The following COG8 variants were observed in gnomAD, a reference collection of about 807,000 sequenced individuals.
COG8 encodes conserved oligomeric Golgi complex subunit 8.
A neutral mutation model predicts 46.5 loss-of-function variants in COG8; 45 were observed. The ratio of observed to expected loss-of-function variants is 0.97; its 90% CI spans 0.76 to 1.24. The LOEUF is 1.24. COG8 is among the 50% of genes most tolerant of loss of function. The pLI is 0.00. For synonymous variants in COG8, 407 were observed against 347.8 expected, an observed-to-expected ratio of 1.17 and a Z score of -1.90; for missense variants, 793 against 820.8, an observed-to-expected ratio of 0.97 and a Z score of 0.41.
At chr16:69,332,242 C>G (rs190745890) in intron 4 of COG8, among the ~76,000 whole-genome samples, 8 of 151,662 alleles carry the variant, frequency 5.3e-5, no homozygotes, top group Non-Finnish European at 1.2e-4. Flanking sequence ...CCCAGCTACT[C>G]GGGAGGCTGA....
Position 69,335,193 on chromosome 16 carries a change from A to C in COG8, c.741T>G (p.Phe247Leu), listed in dbSNP as rs142530290. The C allele has an allele frequency of 1.1e-4, 172 of 1,614,208 alleles. 1 individual carries two copies. In the East Asian group the frequency reaches 3.8e-3, roughly 36 times the overall value. Residue 247 changes from phenylalanine (F) to leucine (L), a missense_variant, in exon 3 of 6, where the codon TTT becomes TTG. Transcript: ENST00000306875. Reference protein sequence around the residue: ...VFTEAELRVKFLQARDAWLRS... With the variant: ...VFTEAELRVKLLQARDAWLRS... Reference sequence around the variant, plus strand: ...GGAGCCAAGCATCTCGGGCCTGAAGAAACTTCACCCTCAACTCAGCCTCAG... The same window carrying C: ...GGAGCCAAGCATCTCGGGCCTGAAGCAACTTCACCCTCAACTCAGCCTCAG...
chr16:69,333,055 TTGTGTCACTTTATTAA>T lies in COG8; in HGVS notation c.1414-189_1414-174del, dbSNP rs534087313. Among the ~76,000 whole-genome samples, 1,540 of 152,340 alleles carry T rather than the reference TTGTGTCACTTTATTAA, an allele frequency of 0.01. 18 individuals carry two copies. Among genetic ancestry groups the T allele is most frequent in the Non-Finnish European group, 0.014 (969 of 68,030 alleles). On this transcript the variant is annotated intron_variant, in intron 3 of 5. Coordinates refer to ENST00000306875, the MANE Select transcript of COG8 (RefSeq NM_032382.5). ...TCAGAATTATGGTCATTGTCCACAA[TTGTGTCACTTTATTAA>T]TGTGAAGTTCAGACCCAACTTGTTA...
chr16:69,328,314 G>A lies in COG8; in HGVS notation c.*892C>T, dbSNP rs373673120. The stretch of plus-strand genomic sequence containing the variant: ...TTTTTACAAAATAAGTGTATAACCA[G>A]GAAGTACTAATCCTGCTTTCTATGC... On this transcript the variant is annotated 3_prime_UTR_variant, in exon 6 of 6. Coordinates refer to ENST00000306875, the MANE Select transcript of COG8 (RefSeq NM_032382.5). 6.6e-6 allele frequency: 1 copy of A among 152,106 alleles called. No homozygotes were observed. Among genetic ancestry groups the A allele is most frequent in the Admixed American group, 6.6e-5 (1 of 15,258 alleles). The allele number at this position is 152,106 out of a possible 1,614,324, so 9.4% of individuals were successfully genotyped here.
At chr16:69,332,665 T>C (rs745515063) in intron 4 of COG8, 49 bp downstream of exon 4, 1 of 1,479,776 alleles carries the variant, frequency 6.8e-7, no homozygotes, top group East Asian at 2.3e-5. Context: ...TTATTTAGTA[T>C]GTGAATTACA....
chr16:69,330,240 G>A lies in COG8; in HGVS notation c.*26+573C>T, dbSNP rs1199458738. 2.8e-6 allele frequency: 4 copies of A among 1,442,944 alleles called. No individual in the cohort carries two copies. In the Admixed American group the frequency reaches 1.2e-4, roughly 42 times the overall value. 89.4% of individuals were successfully genotyped at this position (1,442,944 alleles called of 1,614,324 possible). A position where few individuals can be genotyped will look rare whatever the true frequency, so the allele number is the denominator to read the frequency against. On this transcript the variant is annotated intron_variant, in intron 5 of 5. Coordinates refer to ENST00000306875, the MANE Select transcript of COG8 (RefSeq NM_032382.5). Reference sequence around the variant, plus strand: ...GGCACCCCCAGCTGCGGCGCGCTTAGGCCCACGCAGCGCCGCCGCCGCATC... The same window carrying A: ...GGCACCCCCAGCTGCGGCGCGCTTAAGCCCACGCAGCGCCGCCGCCGCATC...
chr16:69,330,155 TG>T, intron 5 of COG8: 2 of 1,544,028 alleles, frequency 1.3e-6, no homozygotes, highest in South Asian at 1.2e-5. Flanking sequence ...GAGCGCGCGC[TG>T]GCGGGGCGGG....
chr16:69,339,389 C>G lies in COG8; in HGVS notation c.164G>C (p.Gly55Ala), dbSNP rs2012406050. 2 of 1,584,960 alleles carry G rather than the reference C, an allele frequency of 1.3e-6. No individual in the cohort carries two copies. Among genetic ancestry groups the G allele is most frequent in the Admixed American group, 3.5e-5 (2 of 56,340 alleles). ...GCGCCGCAGCCGCTCCAGCCCCGAGCCGCTCAACTCCCGGAGGTAGCGGCC... is the reference window on the plus strand; with the variant it reads ...GCGCCGCAGCCGCTCCAGCCCCGAGGCGCTCAACTCCCGGAGGTAGCGGCC... ...DVGRYLRELS[G>A]SGLERLRREP... The change falls in exon 1 of 6, where the codon GGC (glycine) becomes GCC (alanine). Residue 55 changes from glycine (G) to alanine (A), a missense_variant. Physicochemically the swap from Gly to Ala is moderately conservative, Grantham distance 60. Transcript: ENST00000306875.
Position 69,335,033 on chromosome 16 carries a change from G to GC in COG8, c.900dup (p.Pro301AlafsTer6), listed in dbSNP as rs2012119314. 6.2e-7 allele frequency: 1 copy of GC among 1,614,076 alleles called. No homozygotes were observed. The highest frequency in any genetic ancestry group is 8.5e-7 in the Non-Finnish European group (1 of 1,180,036). ...ACAGTGTGCTCACCCATGGCAGGGG[G>GC]CAGCAGTGGGTCCTCGTCTGAGAAG... On this transcript the variant is annotated frameshift_variant, in exon 3 of 6. Coordinates refer to ENST00000306875, the MANE Select transcript of COG8 (RefSeq NM_032382.5). LOFTEE classifies it high-confidence loss of function.
intron 5 of COG8, chr16:69,330,427 A>G: frequency 6.8e-7 from 1 of 1,476,360 alleles, no homozygotes. Flanking sequence ...GGTGGCGCCA[A>G]TAGGAGCGCC....
In COG8 at chr16:69,339,286, G is replaced by A. The variant is rs1386836475; in HGVS notation, c.267C>T (p.Thr89=). The A allele has an allele frequency of 2.5e-6, 4 of 1,612,346 alleles. No individual in the cohort carries two copies. The highest frequency in any genetic ancestry group is 2.5e-6 in the Non-Finnish European group (3 of 1,179,684). The part of the protein sequence containing the change: ...TRDLAFANYK[T]FIRGAECTER... ...CGGTGCACTCGGCGCCGCGGATGAA[G>A]GTCTTGTAGTTAGCGAAGGCCAAGT... Residue 89 remains threonine (T), a synonymous_variant, in exon 1 of 6, where the codon ACC becomes ACT. Transcript: ENST00000306875.
At position 69,336,511 on chromosome 16, in the gene COG8, G is replaced by C; in HGVS notation, c.579C>G (p.Val193=). The C allele has an allele frequency of 6.2e-7, 1 of 1,614,078 alleles. No individual in the cohort carries two copies. The highest frequency in any genetic ancestry group is 8.5e-7 in the Non-Finnish European group (1 of 1,180,002). ...CTCTGGGCAAGGTGGCTACCTGGAT[G>C]ACAGGGATGGAAGAGTATTTCCTCT... The part of the protein sequence containing the change: ...RLERKYSSIP[V]IQGIVNEVRQ... Residue 193 remains valine, a synonymous_variant, in exon 2 of 6, where the codon GTC becomes GTG. Coordinates refer to ENST00000306875, the MANE Select transcript of COG8 (RefSeq NM_032382.5).
chr16:69,331,124 G>T, intron 4 of COG8, 29 bp from the exon 5 acceptor site: 2 of 1,612,446 alleles, frequency 1.2e-6, no homozygotes, highest in Non-Finnish European at 1.7e-6. Flanking sequence ...AAGCAAAATG[G>T]AAAACAGTTA....
rs758095939 is a variant in COG8, at chr16:69,339,487, C to T, written c.66G>A (p.Glu22=). 6 of 1,605,454 alleles carry T rather than the reference C, an allele frequency of 3.7e-6. No homozygotes were observed. In the Admixed American group the frequency reaches 5.0e-5, roughly 13 times the overall value. ...TATAAALGEV[E]DEGLLASLFR... ...ACAGCGACGCCAGGAGCCCTTCATCCTCCACCTCGCCGAGAGCCGCTGCTG... is the reference window on the plus strand; with the variant it reads ...ACAGCGACGCCAGGAGCCCTTCATCTTCCACCTCGCCGAGAGCCGCTGCTG... Residue 22 remains glutamate, a synonymous_variant, in exon 1 of 6, where the codon GAG becomes GAA. Coordinates refer to ENST00000306875, the MANE Select transcript of COG8 (RefSeq NM_032382.5).
At position 69,334,935 on chromosome 16, in the gene COG8, G is replaced by C; in HGVS notation, c.999C>G (p.Asp333Glu). The change falls in exon 3 of 6, where the codon GAC becomes GAG. Residue 333 changes from aspartate to glutamate, a missense_variant. Physicochemically the swap from Asp to Glu is conservative, Grantham distance 45 (BLOSUM62 2). Coordinates refer to ENST00000306875, the MANE Select transcript of COG8 (RefSeq NM_032382.5). ...VSQFLQVLET[D>E]LYRGIGGHLD... is the part of the protein sequence containing the mutation. ...GGTGGCCGCCTATGCCCCGGTAAAGGTCGGTCTCCAGCACCTGCAGGAATT... is the reference window on the plus strand; with the variant it reads ...GGTGGCCGCCTATGCCCCGGTAAAGCTCGGTCTCCAGCACCTGCAGGAATT... 2 of 1,614,150 alleles carry C rather than the reference G, an allele frequency of 1.2e-6. No individual in the cohort carries two copies. The highest frequency in any genetic ancestry group is 1.7e-6 in the Non-Finnish European group (2 of 1,180,032).
chr16:69,332,451 T>C (rs2011937798), intron 4 of COG8: 1 of 604,416 alleles, frequency 1.7e-6, no homozygotes. Flanking sequence ...CTTAGCCAGA[T>C]ACAGCCACAT....
At chr16:69,337,967 C>T (rs1231370102) in intron 1 of COG8, among the ~76,000 whole-genome samples, 3 of 152,086 alleles carry the variant, frequency 2.0e-5, no homozygotes, top group African/African-American at 4.8e-5. Context: ...CTCTTGACCT[C>T]GTGATCCGCC....
intron 5 of COG8, chr16:69,329,926 T>C (rs1054032459): frequency 2.1e-6 from 3 of 1,446,404 alleles, no homozygotes; most frequent in Admixed American, 2.6e-5. Flanking sequence ...CGACCACTTC[T>C]GCGCTCTCGC....
intron 2 of COG8, 38 bp from the exon 3 acceptor site, chr16:69,335,386 G>C: frequency 6.7e-7 from 1 of 1,502,038 alleles, no homozygotes; most frequent in Non-Finnish European, 9.0e-7. Flanking sequence ...GCGCTGGGAA[G>C]GATGCTCTCT....
intron 3 of COG8, among the ~76,000 whole-genome samples, chr16:69,333,869 A>G (rs1250129855): frequency 6.6e-6 from 1 of 152,230 alleles, no homozygotes; most frequent in Non-Finnish European, 1.5e-5. Flanking sequence ...AGAATATGCT[A>G]AAGGTAAAGG....
Sources: allele counts gnomAD v4.1 joint callset (sites outside exome capture counted in the v4.1 genomes callset), GRCh38; gene constraint gnomAD v4.1.1; transcripts MANE v1.5; gene names NCBI Gene and HGNC (gene_info 2026-07-23, HGNC 2026-07-21).